Variants in NCKAP5 observed in about 807,000 individuals in gnomAD.
The protein encoded by NCKAP5 is NCK associated protein 5, also known as nck-associated protein 5.
NCKAP5 carries 92 observed loss-of-function variants against 167.0 expected under a neutral mutation model. The ratio of observed to expected loss-of-function variants is 0.55; its 90% CI spans 0.47 to 0.66. The LOEUF is 0.66. NCKAP5 is among the 30% of genes least tolerant of loss of function. The pLI is 0.00. For missense variants in NCKAP5, 2,378 were observed against 2,315.0 expected (o/e 1.03, Z -0.56); for synonymous variants, 891 against 877.4 (o/e 1.02, Z -0.27).
intron 3 of NCKAP5, among the ~76,000 whole-genome samples, chr2:133,386,791 C>G (rs909060385): frequency 1.3e-5 from 2 of 152,192 alleles, no homozygotes; most frequent in African/African-American, 2.4e-5. Flanking sequence ...GATCCCTTTA[C>G]CATTATGTAA....
intron 5 of NCKAP5, among the ~76,000 whole-genome samples, chr2:133,150,106 C>T (rs1262260371): frequency 3.3e-5 from 5 of 152,150 alleles, no homozygotes; most frequent in African/African-American, 4.8e-5. Context: ...TGCAGTATCC[C>T]CTTACCTATG....
At chr2:133,329,253 AG>A (rs1476485842) in intron 3 of NCKAP5, among the ~76,000 whole-genome samples, 1 of 152,080 alleles carries the variant, frequency 6.6e-6, no homozygotes, top group African/African-American at 2.4e-5. Flanking sequence ...CATAGTCCAC[AG>A]GCCTGTGGAG....
rs1296649163 is a variant in NCKAP5, at chr2:133,115,775, G to GTGTA, written c.341+14202_341+14203insTACA. ...TAAATTGAAGTATATATGTGTGTGT[G>GTGTA]TATATATATATATATATATATATAT... On this transcript the variant is annotated intron_variant, in intron 6 of 19. Transcript: ENST00000409261. 1.5e-3 allele frequency among the ~76,000 whole-genome samples: 142 copies of GTGTA among 94,280 alleles called. 1 individual carries two copies. Among genetic ancestry groups the GTGTA allele is most frequent in the Admixed American group, 5.3e-3 (42 of 7,914 alleles). 61.9% of individuals were successfully genotyped at this position (94,280 alleles called of 152,430 possible).
chr2:133,478,518 T>C (rs186825136), intron 3 of NCKAP5, among the ~76,000 whole-genome samples: 1 of 152,300 alleles, frequency 6.6e-6, no homozygotes, highest in East Asian at 1.9e-4. Flanking sequence ...TCTCCTGCCC[T>C]GACACCTCGA....
chr2:132,672,878 G>T lies in NCKAP5; in HGVS notation c.*411C>A. Reference sequence around the variant, plus strand: ...TTGCCCTGTCAGAGAAATAAGCTCTGGTGGGTTGCCTGCTGTGAATTTGAC... The same window carrying T: ...TTGCCCTGTCAGAGAAATAAGCTCTTGTGGGTTGCCTGCTGTGAATTTGAC... On this transcript the variant is annotated 3_prime_UTR_variant, in exon 20 of 20. Transcript: ENST00000409261. The T allele has an allele frequency of 1.3e-6, 1 of 768,564 alleles. No homozygotes were observed. The highest frequency in any genetic ancestry group is 1.9e-5 in the African/African-American group (1 of 52,798). The allele number at this position is 768,564 out of a possible 1,614,324, so 47.6% of individuals were successfully genotyped here. A position where few individuals can be genotyped will look rare whatever the true frequency, so the allele number is the denominator to read the frequency against.
intron 12 of NCKAP5, among the ~76,000 whole-genome samples, chr2:132,792,037 C>CTGTTTTGTTT (rs141257195): frequency 0.18 from 26,574 of 150,966 alleles, 2,868 homozygotes; most frequent in East Asian, 0.29. Context: ...TTGAGATGCT[C>CTGTTTTGTTT]TGTTTTGTTT....
chr2:133,447,701 G>A (rs531879916), intron 3 of NCKAP5, among the ~76,000 whole-genome samples: 3 of 150,988 alleles, frequency 2.0e-5, no homozygotes, highest in African/African-American at 7.3e-5. Context: ...TGTTGCCCAG[G>A]TCTCAAACTC....
chr2:132,979,904 C>T (rs1453265561), intron 7 of NCKAP5, among the ~76,000 whole-genome samples: 1 of 152,002 alleles, frequency 6.6e-6, no homozygotes, highest in African/African-American at 2.4e-5. Flanking sequence ...GCCATGAGAC[C>T]ACAGCCACAG....
chr2:132,883,031 T>A (rs1239998385), intron 8 of NCKAP5, among the ~76,000 whole-genome samples: 2 of 151,872 alleles, frequency 1.3e-5, no homozygotes, highest in African/African-American at 4.8e-5. Context: ...CCATCTCTAC[T>A]AAAAATAAAA....
At chr2:133,313,604 G>A (rs534611717) in intron 3 of NCKAP5, among the ~76,000 whole-genome samples, 16 of 151,608 alleles carry the variant, frequency 1.1e-4, no homozygotes, top group African/African-American at 3.6e-4. Context: ...GTCAAATGAA[G>A]GAATTCATTT....
chr2:133,482,052 A>C (rs1680496952), intron 3 of NCKAP5, among the ~76,000 whole-genome samples: 1 of 151,926 alleles, frequency 6.6e-6, no homozygotes, highest in Non-Finnish European at 1.5e-5. Context: ...CACGTTTTTT[A>C]ATCTTCCACA....
At chr2:132,866,458 A>G (rs1690362481) in intron 10 of NCKAP5, among the ~76,000 whole-genome samples, 1 of 152,214 alleles carries the variant, frequency 6.6e-6, no homozygotes, top group African/African-American at 2.4e-5. Context: ...GTTGTTCTAA[A>G]GGGGTACAGT....
chr2:133,494,684 G>A (rs1681777247), intron 3 of NCKAP5, among the ~76,000 whole-genome samples: 1 of 152,120 alleles, frequency 6.6e-6, no homozygotes. Context: ...TAACATTAAA[G>A]CAGGGATGTT....
At chr2:133,323,045 C>A (rs1284297279) in intron 3 of NCKAP5, among the ~76,000 whole-genome samples, 1 of 152,194 alleles carries the variant, frequency 6.6e-6, no homozygotes, top group African/African-American at 2.4e-5. Flanking sequence ...TCTAGACCAG[C>A]TGCAAGTAAG....
chr2:132,920,865 T>A (rs1351675125), intron 8 of NCKAP5, among the ~76,000 whole-genome samples: 3 of 132,044 alleles, frequency 2.3e-5, no homozygotes, highest in Non-Finnish European at 3.2e-5. Flanking sequence ...CTGCTCCTCA[T>A]TAGCTCAGAA....
chr2:133,206,005 T>C (rs2085935094), intron 5 of NCKAP5, among the ~76,000 whole-genome samples: 1 of 152,186 alleles, frequency 6.6e-6, no homozygotes, highest in African/African-American at 2.4e-5. Context: ...TTGCAAATAA[T>C]CTAAACTATG....
intron 11 of NCKAP5, among the ~76,000 whole-genome samples, chr2:132,819,157 T>A (rs1200072653): frequency 2.0e-5 from 3 of 152,180 alleles, no homozygotes; most frequent in African/African-American, 7.2e-5. Context: ...ACCCTCTGTC[T>A]TATGTTGCAT....
chr2:132,809,522 T>C (rs1024714332), intron 11 of NCKAP5, among the ~76,000 whole-genome samples: 6 of 116,630 alleles, frequency 5.1e-5, no homozygotes, highest in African/African-American at 3.0e-4. Context: ...ATATAATGTC[T>C]CTCTTTGTCT....
chr2:133,082,505 TCA>T (rs1043664195), intron 6 of NCKAP5, among the ~76,000 whole-genome samples: 1 of 152,108 alleles, frequency 6.6e-6, no homozygotes, highest in Non-Finnish European at 1.5e-5. Context: ...GGAGAACAGT[TCA>T]CACTCTCCAT....
Sources: gnomAD v4.1 joint callset for allele counts (sites outside exome capture counted in the v4.1 genomes callset) on GRCh38, gnomAD v4.1.1 for gene constraint, MANE v1.5 for transcripts, NCBI Gene and HGNC (gene_info 2026-07-23, HGNC 2026-07-21) for gene names.